The following SENP7 variants were observed in gnomAD, a reference collection of about 807,000 sequenced individuals.
SENP7 encodes the protein SUMO specific peptidase 7, also known as sentrin-specific protease 7.
A neutral mutation model predicts 141.2 loss-of-function variants in SENP7; 64 were observed. That is an observed-to-expected ratio of 0.45 (90% CI 0.37 to 0.56). The LOEUF is 0.56. SENP7 is among the 20% of genes least tolerant of loss of function. The pLI, the probability that SENP7 is intolerant of heterozygous loss-of-function variation, is 0.00. For synonymous variants in SENP7, 382 were observed against 426.4 expected, an observed-to-expected ratio of 0.90 and a Z score of 1.28; for missense variants, 1,025 against 1,212.2, an observed-to-expected ratio of 0.85 and a Z score of 2.29.
intron 11 of SENP7, among the ~76,000 whole-genome samples, chr3:101,361,343 T>C (rs757236868): frequency 9.9e-5 from 15 of 152,168 alleles, no homozygotes; most frequent in Non-Finnish European, 2.2e-4. Context: ...ATCCTTAATT[T>C]AGAAATTTGG....
At chr3:101,456,898 A>T (rs917897103) in intron 4 of SENP7, among the ~76,000 whole-genome samples, 1 of 152,156 alleles carries the variant, frequency 6.6e-6, no homozygotes, top group African/African-American at 2.4e-5. Flanking sequence ...AAGTGCTGGG[A>T]CTACAGGTGT....
chr3:101,398,558 C>T (rs2061039708), intron 6 of SENP7, among the ~76,000 whole-genome samples: 1 of 152,120 alleles, frequency 6.6e-6, no homozygotes, highest in African/African-American at 2.4e-5. Flanking sequence ...AGACTAATGT[C>T]AGAGGAATGG....
intron 23 of SENP7, 99 bp downstream of exon 23, chr3:101,327,567 T>C (rs2058937131): frequency 3.6e-6 from 3 of 841,898 alleles, no homozygotes; most frequent in Non-Finnish European, 5.2e-6. Flanking sequence ...GTCTTGGGTA[T>C]GTCTTTATTA....
intron 5 of SENP7, among the ~76,000 whole-genome samples, chr3:101,413,431 T>C (rs1332502932): frequency 6.6e-6 from 1 of 152,162 alleles, no homozygotes; most frequent in African/African-American, 2.4e-5. Context: ...AGGGAAAATA[T>C]ATGTTAGACA....
At chr3:101,390,171 G>C (rs1431267302) in intron 6 of SENP7, among the ~76,000 whole-genome samples, 1 of 139,668 alleles carries the variant, frequency 7.2e-6, no homozygotes, top group Non-Finnish European at 1.5e-5. Context: ...AGTGAGTCGA[G>C]ATTGTGCCAC....
chr3:101,506,287 T>C (rs1377052724), intron 1 of SENP7, among the ~76,000 whole-genome samples: 2 of 152,252 alleles, frequency 1.3e-5, no homozygotes, highest in Non-Finnish European at 2.9e-5. Context: ...CCCAAAGTGC[T>C]GGGATTACAG....
At position 101,351,803 on chromosome 3, in the gene SENP7, A is replaced by G. The variant is rs113053957; in HGVS notation, c.1624-152T>C. 4.6e-3 allele frequency: 2,744 copies of G among 591,136 alleles called. 63 individuals carry two copies. The African/African-American group carries it at 0.047, about 10-fold the overall frequency. The allele number at this position is 591,136 out of a possible 1,614,324, so 36.6% of individuals were successfully genotyped here. A position where few individuals can be genotyped will look rare whatever the true frequency, so the allele number is the denominator to read the frequency against. ...ATAAACCAATAAAATATTTCACTACAAAGACTTAGTTTTATGGAAATTTTA... is the reference window on the plus strand; with the variant it reads ...ATAAACCAATAAAATATTTCACTACGAAGACTTAGTTTTATGGAAATTTTA... On this transcript the variant is annotated intron_variant, in intron 11 of 23. Coordinates refer to ENST00000394095, the MANE Select transcript of SENP7 (RefSeq NM_020654.5).
At chr3:101,391,031 A>G (rs2060802500) in intron 6 of SENP7, among the ~76,000 whole-genome samples, 1 of 152,160 alleles carries the variant, frequency 6.6e-6, no homozygotes, top group African/African-American at 2.4e-5. Context: ...TAAATTTAAA[A>G]AGTATTAAAA....
In SENP7 at chr3:101,474,461, C is replaced by T. The variant is rs566984339; in HGVS notation, c.187-15409G>A. Among the ~76,000 whole-genome samples, 8 of 152,172 alleles carry T rather than the reference C, an allele frequency of 5.3e-5. No individual in the cohort carries two copies. The East Asian group carries it at 1.5e-3, about 29-fold the overall frequency. The stretch of plus-strand genomic sequence containing the variant: ...TGTGGCAGTTCTGAATGAGTTCGTT[C>T]CTAGTCTGGCTCTCAGTTTGATTGT... On this transcript the variant is annotated intron_variant, in intron 3 of 23. Coordinates refer to ENST00000394095, the MANE Select transcript of SENP7 (RefSeq NM_020654.5).
intron 16 of SENP7, among the ~76,000 whole-genome samples, chr3:101,339,613 G>C (rs773118124): frequency 4.6e-5 from 7 of 152,010 alleles, no homozygotes; most frequent in Non-Finnish European, 1.0e-4. Flanking sequence ...AGCTACTCAG[G>C]AGGCTGAGGC....
chr3:101,446,698 A>AC (rs1559839965), intron 4 of SENP7, among the ~76,000 whole-genome samples: 1 of 152,120 alleles, frequency 6.6e-6, no homozygotes, highest in Admixed American at 6.5e-5. Flanking sequence ...AAAGAAAAAA[A>AC]TTTTTTTTAC....
chr3:101,362,412 T>C (rs2059925875), intron 10 of SENP7, among the ~76,000 whole-genome samples: 1 of 152,220 alleles, frequency 6.6e-6, no homozygotes. Flanking sequence ...CCAGTGTCAC[T>C]TCAACCACAT....
At chr3:101,476,868 T>C (rs2064239398) in intron 3 of SENP7, among the ~76,000 whole-genome samples, 1 of 152,234 alleles carries the variant, frequency 6.6e-6, no homozygotes, top group African/African-American at 2.4e-5. Context: ...TGAGCTTTTT[T>C]TCATGTTTGT....
At chr3:101,361,438 T>G (rs1299414358) in intron 11 of SENP7, among the ~76,000 whole-genome samples, 4 of 152,178 alleles carry the variant, frequency 2.6e-5, no homozygotes, top group African/African-American at 4.8e-5. Context: ...AATTTTACTT[T>G]ACCATCAAAT....
chr3:101,482,661 T>C (rs897588560), intron 3 of SENP7, among the ~76,000 whole-genome samples: 3 of 152,200 alleles, frequency 2.0e-5, no homozygotes, highest in Non-Finnish European at 2.9e-5. Context: ...TCAAGACTTA[T>C]TATAAAGCTA....
At chr3:101,377,796 T>C (rs1017175049) in intron 6 of SENP7, among the ~76,000 whole-genome samples, 1 of 152,180 alleles carries the variant, frequency 6.6e-6, no homozygotes, top group East Asian at 1.9e-4. Context: ...GCTTTCCATG[T>C]GGGAGAAGGG....
intron 3 of SENP7, among the ~76,000 whole-genome samples, chr3:101,473,055 G>A (rs1559879602): frequency 6.6e-6 from 1 of 152,146 alleles, no homozygotes; most frequent in Non-Finnish European, 1.5e-5. Context: ...ATGGCCTCCA[G>A]CTCCATTCAA....
At chr3:101,394,611 C>A in intron 6 of SENP7, among the ~76,000 whole-genome samples, 1 of 151,834 alleles carries the variant, frequency 6.6e-6, no homozygotes, top group East Asian at 1.9e-4. Flanking sequence ...CTCCCAGGTT[C>A]ACGCCATTCT....
chr3:101,467,982 A>C (rs1021539795), intron 3 of SENP7, among the ~76,000 whole-genome samples: 3 of 152,210 alleles, frequency 2.0e-5, no homozygotes, highest in African/African-American at 4.8e-5. Context: ...CAAATGGCTA[A>C]CTAGAATAAA....
Sources: allele counts gnomAD v4.1 joint callset (sites outside exome capture counted in the v4.1 genomes callset), GRCh38; gene constraint gnomAD v4.1.1; transcripts MANE v1.5; gene names NCBI Gene and HGNC (gene_info 2026-07-23, HGNC 2026-07-21).